CEPT1: variants seen among roughly 807,000 people sequenced by gnomAD.
The protein encoded by CEPT1 is choline/ethanolaminephosphotransferase 1.
In CEPT1, 7 loss-of-function variants were observed where a neutral mutation model predicts 42.6. The ratio of observed to expected loss-of-function variants is 0.16; its 90% CI spans 0.09 to 0.31. The LOEUF (loss-of-function observed/expected upper bound fraction) is 0.31. CEPT1 is among the 10% of genes least tolerant of loss of function. The probability of loss-of-function intolerance (pLI) is 1.00; values close to 1 mark genes in which losing one functional copy is unlikely to be tolerated. For synonymous variants in CEPT1, 171 were observed against 171.9 expected, an observed-to-expected ratio of 0.99 and a Z score of 0.04; for missense variants, 306 against 502.1, an observed-to-expected ratio of 0.61 and a Z score of 3.73.
chr1:111,141,075 C>G (rs558129565), intron 1 of CEPT1, among the ~76,000 whole-genome samples: 14 of 152,160 alleles, frequency 9.2e-5, no homozygotes, highest in Non-Finnish European at 1.9e-4. Context: ...GTCTTTTAAT[C>G]AGTAAATCCA....
At chr1:111,184,161 G>T (rs376181447) in intron 8 of CEPT1, 30 bp from the exon 9 acceptor site, 3 of 1,610,652 alleles carry the variant, frequency 1.9e-6, no homozygotes, top group Non-Finnish European at 2.5e-6. Context: ...GAGCCTAAAC[G>T]GGTGCTGAGA....
At chr1:111,141,904 T>A (rs1275998504) in intron 1 of CEPT1, among the ~76,000 whole-genome samples, 1 of 152,170 alleles carries the variant, frequency 6.6e-6, no homozygotes, top group African/African-American at 2.4e-5. Flanking sequence ...AGGTAGCCAA[T>A]TACCTGTGAA....
At chr1:111,155,304 T>C (rs902675876) in intron 2 of CEPT1, among the ~76,000 whole-genome samples, 1 of 152,098 alleles carries the variant, frequency 6.6e-6, no homozygotes, top group African/African-American at 2.4e-5. Context: ...CTTTTATATT[T>C]CTGTGGTATC....
intron 8 of CEPT1, among the ~76,000 whole-genome samples, chr1:111,183,911 G>C (rs1291784681): frequency 6.6e-6 from 1 of 152,192 alleles, no homozygotes; most frequent in African/African-American, 2.4e-5. Flanking sequence ...TTGGAACACA[G>C]CTATGGCCAC....
rs992493530 is a variant in CEPT1 at position 111,184,293 on chromosome 1, C to T, written c.1234C>T (p.His412Tyr). ...CTTCAGAATCAAGGTCTCTACAGCT[C>T]ATTCTAATCATCATTAATGATGTAA... ...HVFRIKVSTA[H>Y]SNHH The change falls in exon 9 of 9, where the codon CAT (histidine) becomes TAT (tyrosine). Residue 412 changes from histidine (H) to tyrosine (Y), a missense_variant. This residue lies in a region of CEPT1 where 253 missense variants were observed against 447.3 expected (regional missense o/e 0.57). Coordinates refer to ENST00000357172, the MANE Select transcript of CEPT1 (RefSeq NM_006090.5). The T allele has an allele frequency of 5.0e-6, 8 of 1,611,358 alleles. No individual in the cohort carries two copies. Among genetic ancestry groups the T allele is most frequent in the Non-Finnish European group, 6.8e-6 (8 of 1,178,294 alleles).
rs775237829 is a variant in CEPT1, at chr1:111,161,312, T to C, written c.629+16T>C. The C allele has an allele frequency of 8.8e-6, 14 of 1,583,286 alleles. No individual in the cohort carries two copies. In the East Asian group the frequency reaches 1.6e-4, roughly 18 times the overall value. ...GATTTGGAATGTAAGTAATACTTAATGGTAATTTTTGTTTTCTCTTTCACA... is the reference window on the plus strand; with the variant it reads ...GATTTGGAATGTAAGTAATACTTAACGGTAATTTTTGTTTTCTCTTTCACA... On this transcript the variant is annotated intron_variant, in intron 4 of 8. Transcript: ENST00000357172.
chr1:111,175,820 G>A (rs75688621), intron 5 of CEPT1, among the ~76,000 whole-genome samples: 1,708 of 152,102 alleles, frequency 0.011, 38 homozygotes, highest in African/African-American at 0.039. Flanking sequence ...TACTCCCCTG[G>A]TCATCAGTTA....
Position 111,149,266 on chromosome 1 carries a change from C to CTTTTTTTTTTT in CEPT1, c.339+1217_339+1227dup, listed in dbSNP as rs775722606. Reference sequence around the variant, plus strand: ...ATAGATGTAAAATCTGGTTTCTCCTCTTTTTTTTTTTTTTGAGACAGGGTC... The same window carrying CTTTTTTTTTTT: ...ATAGATGTAAAATCTGGTTTCTCCTCTTTTTTTTTTTTTTTTTTTTTTTTTGAGACAGGGTC... On this transcript the variant is annotated intron_variant, in intron 2 of 8. Coordinates refer to ENST00000357172, the MANE Select transcript of CEPT1 (RefSeq NM_006090.5). 5.9e-4 allele frequency among the ~76,000 whole-genome samples: 76 copies of CTTTTTTTTTTT among 127,906 alleles called. 4 individuals are homozygous for CTTTTTTTTTTT. Among genetic ancestry groups the CTTTTTTTTTTT allele is most frequent in the African/African-American group, 2.1e-3 (65 of 31,266 alleles). 83.9% of individuals were successfully genotyped at this position (127,906 alleles called of 152,430 possible). A position where few individuals can be genotyped will look rare whatever the true frequency, so the allele number is the denominator to read the frequency against.
intron 1 of CEPT1, among the ~76,000 whole-genome samples, chr1:111,145,169 C>T (rs905209734): frequency 3.3e-5 from 5 of 152,148 alleles, no homozygotes; most frequent in Non-Finnish European, 7.4e-5. Flanking sequence ...ATGCCTGCCA[C>T]CACGCCCATC....
intron 2 of CEPT1, among the ~76,000 whole-genome samples, chr1:111,150,185 A>G (rs139958088): frequency 6.6e-6 from 1 of 152,208 alleles, no homozygotes; most frequent in East Asian, 1.9e-4. Context: ...ATGCATTTAA[A>G]TAGGTCTTGG....
chr1:111,171,376 G>A (rs1342399426), intron 4 of CEPT1, among the ~76,000 whole-genome samples: 1 of 152,200 alleles, frequency 6.6e-6, no homozygotes, highest in African/African-American at 2.4e-5. Flanking sequence ...TCCAACTAAA[G>A]AGATGCTCTG....
intron 5 of CEPT1, among the ~76,000 whole-genome samples, chr1:111,176,322 G>A (rs1223837255): frequency 6.6e-6 from 1 of 151,772 alleles, no homozygotes; most frequent in Non-Finnish European, 1.5e-5. Flanking sequence ...TAACAGTTTT[G>A]CCTTATGGGA....
chr1:111,170,592 A>C (rs1656368977), intron 4 of CEPT1, among the ~76,000 whole-genome samples: 1 of 152,154 alleles, frequency 6.6e-6, no homozygotes. Flanking sequence ...TTGAATTTCT[A>C]GGCTAATCTT....
intron 6 of CEPT1, 85 bp from the exon 7 acceptor site, chr1:111,182,714 T>G: frequency 7.8e-7 from 1 of 1,274,650 alleles, no homozygotes; most frequent in Non-Finnish European, 1.1e-6. Context: ...AAAGTTTGAG[T>G]TGAACTGTGA....
At position 111,182,157 on chromosome 1, in the gene CEPT1, T is replaced by G. The variant is rs764369058; in HGVS notation, c.715-30T>G. 3.3e-6 allele frequency: 5 copies of G among 1,527,058 alleles called. No homozygotes were observed. In the South Asian group the frequency reaches 4.9e-5, roughly 15 times the overall value. 94.6% of individuals were successfully genotyped at this position (1,527,058 alleles called of 1,614,324 possible). A position where few individuals can be genotyped will look rare whatever the true frequency, so the allele number is the denominator to read the frequency against. On this transcript the variant is annotated intron_variant, in intron 5 of 8. Transcript: ENST00000357172. ...TTTCTTATTTTAGTTTGTATATGTT[T>G]TAATTGTTTTCTCTCTCTACCCATT...
chr1:111,182,781 T>C lies in CEPT1; in HGVS notation c.847-18T>C, dbSNP rs566676716. 39 of 1,601,776 alleles carry C rather than the reference T, an allele frequency of 2.4e-5. No homozygotes were observed. In the South Asian group the frequency reaches 4.2e-4, roughly 17 times the overall value. On this transcript the variant is annotated intron_variant, in intron 6 of 8. Coordinates refer to ENST00000357172, the MANE Select transcript of CEPT1 (RefSeq NM_006090.5). The stretch of plus-strand genomic sequence containing the variant: ...ATGAGTACTGAATACTATTAACTCT[T>C]CTCTTCACTCTGTACAGGGAACAAG...
intron 4 of CEPT1, among the ~76,000 whole-genome samples, chr1:111,164,451 AT>A (rs1252491857): frequency 6.6e-6 from 1 of 152,102 alleles, no homozygotes; most frequent in Non-Finnish European, 1.5e-5. Context: ...TCATGGGAGG[AT>A]TGGGTTGTAG....
At chr1:111,167,418 A>G in intron 4 of CEPT1, 1 of 909,878 alleles carries the variant, frequency 1.1e-6, no homozygotes, top group Non-Finnish European at 1.3e-6. Context: ...TTTGATGCTA[A>G]AGTCAATTCT....
At chr1:111,183,006 T>G (rs780370490) in intron 7 of CEPT1, 49 bp downstream of exon 7, 27 of 1,564,590 alleles carry the variant, frequency 1.7e-5, no homozygotes, top group Non-Finnish European at 2.4e-5. Flanking sequence ...TCATCTTATT[T>G]TGGATTTATG....
Sources: gnomAD v4.1 joint callset for allele counts (sites outside exome capture counted in the v4.1 genomes callset) on GRCh38, gnomAD v4.1.1 for gene constraint, gnomAD v4.1.1 regional missense constraint, MANE v1.5 for transcripts, NCBI Gene and HGNC (gene_info 2026-07-23, HGNC 2026-07-21) for gene names.